Variants in CSPP1 observed in about 807,000 individuals in gnomAD.
The protein encoded by CSPP1 is centrosome and spindle pole-associated protein 1.
In CSPP1, 126 loss-of-function variants were observed where a neutral mutation model predicts 164.4. The ratio of observed to expected loss-of-function variants is 0.77; its 90% CI spans 0.66 to 0.89. The LOEUF (loss-of-function observed/expected upper bound fraction) is 0.89, where lower values mean the gene tolerates loss of function less well. Among genes scored for constraint, CSPP1 ranks in the 40% least tolerant of loss-of-function variants. The probability of loss-of-function intolerance (pLI) is 0.00; values close to 1 mark genes in which losing one functional copy is unlikely to be tolerated. For missense variants in CSPP1, 1,395 were observed against 1,449.8 expected (o/e 0.96, Z 0.61); for synonymous variants, 472 against 476.7 (o/e 0.99, Z 0.13).
intron 18 of CSPP1, among the ~76,000 whole-genome samples, chr8:67,153,397 A>G (rs1459018600): frequency 6.6e-6 from 1 of 152,146 alleles, no homozygotes; most frequent in Non-Finnish European, 1.5e-5. Context: ...CCAAGAATAT[A>G]TGATACTATT....
At chr8:67,194,168 C>G (rs768122902) in intron 30 of CSPP1, among the ~76,000 whole-genome samples, 2 of 151,964 alleles carry the variant, frequency 1.3e-5, no homozygotes, top group Non-Finnish European at 2.9e-5. Flanking sequence ...CCCTGCCAGC[C>G]CTACACCACC....
intron 17 of CSPP1, 117 bp downstream of exon 17, chr8:67,137,720 A>G: frequency 2.1e-6 from 1 of 484,722 alleles, no homozygotes; most frequent in Non-Finnish European, 3.6e-6. Flanking sequence ...CATGTATGTA[A>G]CTTAATGCAT....
At chr8:67,159,509 C>CTTTTTTT (rs1172369424) in intron 21 of CSPP1, among the ~76,000 whole-genome samples, 14 of 48,916 alleles carry the variant, frequency 2.9e-4, no homozygotes, top group Non-Finnish European at 3.7e-4. Context: ...TATATGTATT[C>CTTTTTTT]TTTTTTTTTT....
intron 3 of CSPP1, among the ~76,000 whole-genome samples, chr8:67,077,170 G>GTCTC (rs141841739): frequency 1.6e-4 from 24 of 149,010 alleles, no homozygotes; most frequent in African/African-American, 3.9e-4. Context: ...TAAAGACAGG[G>GTCTC]TCTCTCTCTC....
At chr8:67,165,894 G>A (rs1379943554) in intron 24 of CSPP1, among the ~76,000 whole-genome samples, 2 of 152,220 alleles carry the variant, frequency 1.3e-5, no homozygotes, top group Non-Finnish European at 2.9e-5. Flanking sequence ...ATCTCTTGGA[G>A]CAGGGGTTAC....
chr8:67,089,606 T>C (rs1811196601), intron 4 of CSPP1, among the ~76,000 whole-genome samples: 1 of 152,216 alleles, frequency 6.6e-6, no homozygotes, highest in African/African-American at 2.4e-5. Flanking sequence ...ATTATTTCTT[T>C]TTCATTTTCC....
intron 28 of CSPP1, among the ~76,000 whole-genome samples, chr8:67,186,560 T>C (rs79955209): frequency 0.011 from 1,663 of 152,228 alleles, 29 homozygotes; most frequent in African/African-American, 0.038. Context: ...AAAGAACATC[T>C]ACAAAAGTCC....
At chr8:67,185,755 G>T (rs1162058276) in intron 28 of CSPP1, among the ~76,000 whole-genome samples, 1 of 151,860 alleles carries the variant, frequency 6.6e-6, no homozygotes, top group Non-Finnish European at 1.5e-5. Context: ...ATGATGATGA[G>T]TTTGATGATG....
rs1209150222 is a variant in CSPP1 at position 67,093,593 on chromosome 8, T to C, written c.435T>C (p.Gly145=). Residue 145 remains glycine (G), a synonymous_variant, in exon 6 of 31, where the codon GGT becomes GGC. Coordinates refer to ENST00000678616, the MANE Select transcript of CSPP1 (RefSeq NM_001382391.1). The stretch of plus-strand genomic sequence containing the variant: ...AAGAATACAATCAGTTTCTCAGGGG[T>C]AAGGAAGAATCCAGTGAAAAGTTCA... ...RNKEYNQFLR[G]KEESSEKFRQ... The C allele has an allele frequency of 1.2e-6, 2 of 1,612,972 alleles. No individual in the cohort carries two copies. Among genetic ancestry groups the C allele is most frequent in the Non-Finnish European group, 8.5e-7 (1 of 1,179,176 alleles).
chr8:67,118,472 T>C (rs984053921), intron 14 of CSPP1, 103 bp downstream of exon 14: 2 of 1,223,788 alleles, frequency 1.6e-6, no homozygotes, highest in Non-Finnish European at 2.4e-6. Context: ...AGCACAACTT[T>C]GCTTAATTCA....
intron 24 of CSPP1, among the ~76,000 whole-genome samples, chr8:67,166,758 G>A (rs180976527): frequency 6.6e-6 from 1 of 151,202 alleles, no homozygotes; most frequent in East Asian, 1.9e-4. Flanking sequence ...ATCATTCTTG[G>A]GTGTTTCTCG....
chr8:67,162,301 G>A (rs968446110), intron 22 of CSPP1, among the ~76,000 whole-genome samples: 1 of 152,218 alleles, frequency 6.6e-6, no homozygotes, highest in African/African-American at 2.4e-5. Context: ...GTGGAAAGTC[G>A]TGGAGAGCAA....
intron 28 of CSPP1, among the ~76,000 whole-genome samples, chr8:67,189,347 A>T (rs773318249): frequency 2.2e-4 from 33 of 152,330 alleles, no homozygotes; most frequent in Non-Finnish European, 4.0e-4. Context: ...ATAATTGCTA[A>T]AACTTGGAAG....
rs1199975279 is a variant in CSPP1 at position 67,163,737 on chromosome 8, T to G, written c.2649T>G (p.Ser883Arg). ...TTGTCATTATTGTTGAACAGGAAAG[T>G]TCCATGTCCAGGGCACAGTCACCCC... ...DSIIRSFIHE[S>R]SMSRAQSPPV... is the part of the protein sequence containing the mutation. The change falls in exon 23 of 31, where the codon AGT becomes AGG. Residue 883 changes from serine (S) to arginine (R), a missense_variant. Coordinates refer to ENST00000678616, the MANE Select transcript of CSPP1 (RefSeq NM_001382391.1). The G allele has an allele frequency of 3.1e-6, 5 of 1,612,628 alleles. No individual in the cohort carries two copies. Among genetic ancestry groups the G allele is most frequent in the Non-Finnish European group, 3.4e-6 (4 of 1,179,116 alleles).
At chr8:67,158,857 C>CA in intron 20 of CSPP1, 134 bp from the exon 21 acceptor site, 1 of 928,504 alleles carries the variant, frequency 1.1e-6, no homozygotes, top group Non-Finnish European at 1.6e-6. Context: ...TTTAAGCAGA[C>CA]AACTTATGTT....
At chr8:67,159,515 T>G (rs1287082918) in intron 21 of CSPP1, among the ~76,000 whole-genome samples, 1 of 123,606 alleles carries the variant, frequency 8.1e-6, no homozygotes, top group Non-Finnish European at 1.7e-5. Flanking sequence ...TATTCTTTTT[T>G]TTTTTTTTTT....
chr8:67,124,914 C>A (rs1819767595), intron 15 of CSPP1, among the ~76,000 whole-genome samples: 1 of 152,242 alleles, frequency 6.6e-6, no homozygotes, highest in Non-Finnish European at 1.5e-5. Context: ...CTCCTGGCCT[C>A]AAACCACCTT....
chr8:67,193,436 T>C, intron 29 of CSPP1, 28 bp from the exon 30 acceptor site: 2 of 1,600,488 alleles, frequency 1.2e-6, no homozygotes, highest in Non-Finnish European at 1.7e-6. Context: ...TGTTAATGAC[T>C]TTCTGAAGTT....
chr8:67,147,400 T>A (rs1478853945), intron 17 of CSPP1, among the ~76,000 whole-genome samples: 2 of 152,228 alleles, frequency 1.3e-5, no homozygotes, highest in Non-Finnish European at 2.9e-5. Context: ...TTTCTACCTC[T>A]GAACATGCTT....
Sources: allele counts gnomAD v4.1 joint callset (sites outside exome capture counted in the v4.1 genomes callset), GRCh38; gene constraint gnomAD v4.1.1; transcripts MANE v1.5; gene names NCBI Gene and HGNC (gene_info 2026-07-23, HGNC 2026-07-21).